Variants in PID1 observed in about 807,000 individuals in gnomAD.
The protein encoded by PID1 is phosphotyrosine interaction domain containing 1, also known as PTB-containing, cubilin and LRP1-interacting protein.
PID1 carries 10 observed loss-of-function variants against 19.1 expected under a neutral mutation model. The ratio of observed to expected loss-of-function variants is 0.52; its 90% CI spans 0.32 to 0.89. The LOEUF (loss-of-function observed/expected upper bound fraction) is 0.89, where lower values mean the gene tolerates loss of function less well. PID1 is among the 40% of genes least tolerant of loss of function. The pLI, the probability that PID1 is intolerant of heterozygous loss-of-function variation, is 0.03. For synonymous variants in PID1, 130 were observed against 116.0 expected (o/e 1.12, Z -0.78); for missense variants, 248 against 285.3 (o/e 0.87, Z 0.94).
intron 2 of PID1, among the ~76,000 whole-genome samples, chr2:229,094,115 C>T (rs719772): frequency 0.77 from 117,203 of 152,024 alleles, 45,631 homozygotes; most frequent in Middle Eastern, 0.89. Context: ...AAAATCACTG[C>T]ACACAAATCA....
intron 1 of PID1, among the ~76,000 whole-genome samples, chr2:229,245,885 G>C (rs1471510659): frequency 3.9e-5 from 6 of 152,020 alleles, no homozygotes; most frequent in Non-Finnish European, 7.4e-5. Flanking sequence ...GTTCACTTAG[G>C]CCAAGGGAAT....
chr2:229,242,079 C>G (rs1055782718), intron 1 of PID1, among the ~76,000 whole-genome samples: 2 of 152,008 alleles, frequency 1.3e-5, no homozygotes, highest in Non-Finnish European at 2.9e-5. Flanking sequence ...TTATTTCACC[C>G]AGGCTTTTCT....
chr2:229,037,996 C>T (rs956791126), intron 2 of PID1, among the ~76,000 whole-genome samples: 4 of 152,094 alleles, frequency 2.6e-5, no homozygotes, highest in African/African-American at 9.7e-5. Context: ...CATTTTCCTT[C>T]GTGCACAACT....
intron 1 of PID1, among the ~76,000 whole-genome samples, chr2:229,240,043 C>A (rs914422470): frequency 2.0e-5 from 3 of 152,070 alleles, no homozygotes; most frequent in Non-Finnish European, 4.4e-5. Context: ...AAGTATGTCA[C>A]CTGGCAACAG....
chr2:229,227,791 G>A (rs913164318), intron 1 of PID1, among the ~76,000 whole-genome samples: 2 of 152,124 alleles, frequency 1.3e-5, no homozygotes, highest in African/African-American at 4.8e-5. Flanking sequence ...CACGTGTACT[G>A]AACAGGTACA....
chr2:229,203,923 T>G (rs536386854), intron 1 of PID1, among the ~76,000 whole-genome samples: 1 of 152,240 alleles, frequency 6.6e-6, no homozygotes, highest in African/African-American at 2.4e-5. Context: ...TAATGATAAC[T>G]GGACCTTATT....
At position 229,054,572 on chromosome 2, in the gene PID1, G is replaced by A. The variant is rs952260413; in HGVS notation, c.178-28464C>T. ...AGCCAGTCACAGGGAAAAATGTTAC[G>A]TTGTGTTTCCATATAATATGGTACA... On this transcript the variant is annotated intron_variant, in intron 2 of 2. Coordinates refer to ENST00000392055, the MANE Select transcript of PID1 (RefSeq NM_001100818.2). Among the ~76,000 whole-genome samples, 8 of 152,128 alleles carry A rather than the reference G, an allele frequency of 5.3e-5. No homozygotes were observed. In the South Asian group the frequency reaches 1.0e-3, roughly 20 times the overall value.
intron 1 of PID1, among the ~76,000 whole-genome samples, chr2:229,252,285 T>C (rs1359679390): frequency 6.6e-6 from 1 of 152,234 alleles, no homozygotes; most frequent in Non-Finnish European, 1.5e-5. Flanking sequence ...TTTGTGTTTT[T>C]AATTTGGGGG....
At chr2:229,150,066 CCTA>C (rs955073524) in intron 2 of PID1, among the ~76,000 whole-genome samples, 3 of 151,688 alleles carry the variant, frequency 2.0e-5, no homozygotes, top group Non-Finnish European at 4.4e-5. Flanking sequence ...GGTGAAAACT[CCTA>C]CTAAAATTAT....
intron 1 of PID1, among the ~76,000 whole-genome samples, chr2:229,255,525 C>A (rs759880934): frequency 6.6e-6 from 1 of 152,132 alleles, no homozygotes; most frequent in Non-Finnish European, 1.5e-5. Context: ...ATGGGTCTTC[C>A]ATTGGCTGAT....
chr2:229,143,219 A>G (rs1559254055), intron 2 of PID1, among the ~76,000 whole-genome samples: 1 of 144,820 alleles, frequency 6.9e-6, no homozygotes, highest in African/African-American at 2.6e-5. Context: ...GGGGGGAGGG[A>G]TAGCTTTAGG....
At chr2:229,262,028 A>G (rs1690473693) in intron 1 of PID1, among the ~76,000 whole-genome samples, 1 of 152,184 alleles carries the variant, frequency 6.6e-6, no homozygotes, top group Non-Finnish European at 1.5e-5. Flanking sequence ...CTGACATACC[A>G]TGAGGCTCAC....
rs556215678 is a variant in PID1 at position 229,059,765 on chromosome 2, C to T, written c.178-33657G>A. The stretch of plus-strand genomic sequence containing the variant: ...AAAATCTGTTAAATGACATTTTTAC[C>T]TCACCTTGCGACATCCCCCAAAAGT... On this transcript the variant is annotated intron_variant, in intron 2 of 2. Transcript: ENST00000392055. Among the ~76,000 whole-genome samples, 18 of 152,152 alleles carry T rather than the reference C, an allele frequency of 1.2e-4. No individual in the cohort carries two copies. In the South Asian group the frequency reaches 3.7e-3, roughly 32 times the overall value.
At chr2:229,075,201 C>T (rs2106205702) in intron 2 of PID1, among the ~76,000 whole-genome samples, 1 of 152,244 alleles carries the variant, frequency 6.6e-6, no homozygotes, top group African/African-American at 2.4e-5. Flanking sequence ...AATGCTACCC[C>T]AGGAAAAGGT....
At chr2:229,095,060 C>T (rs1219492047) in intron 2 of PID1, among the ~76,000 whole-genome samples, 1 of 152,106 alleles carries the variant, frequency 6.6e-6, no homozygotes, top group Admixed American at 6.6e-5. Context: ...ATGCCAAAGA[C>T]ACGTAGCTCC....
chr2:229,240,004 G>A (rs2106275278), intron 1 of PID1, among the ~76,000 whole-genome samples: 1 of 152,188 alleles, frequency 6.6e-6, no homozygotes, highest in Non-Finnish European at 1.5e-5. Flanking sequence ...AGTCCAACAA[G>A]GCAAGACTGA....
Position 229,092,207 on chromosome 2 carries a change from C to T in PID1, c.177+63611G>A, listed in dbSNP as rs1356979354. Among the ~76,000 whole-genome samples, 5 of 112,016 alleles carry T rather than the reference C, an allele frequency of 4.5e-5. 1 individual carries two copies. The highest frequency in any genetic ancestry group is 8.5e-5 in the Non-Finnish European group (5 of 58,972). The allele number at this position is 112,016 out of a possible 152,430, so 73.5% of individuals were successfully genotyped here. On this transcript the variant is annotated intron_variant, in intron 2 of 2. Coordinates refer to ENST00000392055, the MANE Select transcript of PID1 (RefSeq NM_001100818.2). ...ATTTTAGCTCAGTTCAATCTTTAAGCATTTCTTTAGTGCCTGGTCATCCAA... is the reference window on the plus strand; with the variant it reads ...ATTTTAGCTCAGTTCAATCTTTAAGTATTTCTTTAGTGCCTGGTCATCCAA...
intron 2 of PID1, among the ~76,000 whole-genome samples, chr2:229,080,370 A>G (rs1694645347): frequency 6.6e-6 from 1 of 151,964 alleles, no homozygotes; most frequent in African/African-American, 2.4e-5. Flanking sequence ...ACATCCTTAC[A>G]TACCTCTGTG....
intron 2 of PID1, among the ~76,000 whole-genome samples, chr2:229,094,571 A>C (rs550075829): frequency 1.3e-5 from 2 of 152,252 alleles, no homozygotes; most frequent in East Asian, 3.9e-4. Flanking sequence ...AAAACAGCAC[A>C]GTACAGGTAT....
Sources: allele counts gnomAD v4.1 joint callset (sites outside exome capture counted in the v4.1 genomes callset), GRCh38; gene constraint gnomAD v4.1.1; transcripts MANE v1.5; gene names NCBI Gene and HGNC (gene_info 2026-07-23, HGNC 2026-07-21).